Variants in TIAM2 observed in about 807,000 individuals in gnomAD.
TIAM2 encodes TIAM Rac1 associated GEF 2.
TIAM2 carries 80 observed loss-of-function variants against 152.9 expected under a neutral mutation model. The observed-to-expected ratio is 0.52, with a 90% CI of 0.44 to 0.63. The LOEUF is 0.63. Among genes scored for constraint, TIAM2 ranks in the 30% least tolerant of loss-of-function variants. TIAM2 has a pLI of 0.00. For synonymous variants in TIAM2, 804 were observed against 838.0 expected (o/e 0.96, Z 0.70); for missense variants, 1,965 against 2,120.1 (o/e 0.93, Z 1.44).
intron 1 of TIAM2, among the ~76,000 whole-genome samples, chr6:155,035,468 G>A (rs538050129): frequency 7.2e-4 from 109 of 152,134 alleles, no homozygotes; most frequent in African/African-American, 2.2e-3. Context: ...CGATCCACCC[G>A]TTTTAGCCTC....
chr6:155,179,634 CAGAT>C (rs1349954837), intron 12 of TIAM2, among the ~76,000 whole-genome samples, 178 bp downstream of exon 12: 1 of 152,098 alleles, frequency 6.6e-6, no homozygotes, highest in African/African-American at 2.4e-5. Context: ...GCAGGTGACA[CAGAT>C]AGGTATTAGT....
rs536562598 is a variant in TIAM2, at chr6:155,209,484, G to A, written c.3065-1720G>A. ...GGTTGAGGGTCTCATCTTACTTCCC[G>A]TGCAGTTAGCTTGTTGGTGAGGGGA... On this transcript the variant is annotated intron_variant, in intron 14 of 26. Coordinates refer to ENST00000682666, the MANE Select transcript of TIAM2 (RefSeq NM_012454.4). Among the ~76,000 whole-genome samples the A allele has an allele frequency of 1.1e-3, 173 of 152,206 alleles. 1 individual carries two copies. The highest frequency in any genetic ancestry group is 2.3e-3 in the South Asian group (11 of 4,820).
At chr6:155,087,608 G>T (rs1327351378) in intron 1 of TIAM2, among the ~76,000 whole-genome samples, 1 of 152,020 alleles carries the variant, frequency 6.6e-6, no homozygotes, top group African/African-American at 2.4e-5. Flanking sequence ...AATTAGCCAG[G>T]CGTGGTGGTG....
At position 155,214,524 on chromosome 6, in the gene TIAM2, C is replaced by T. The variant is rs1302042443; in HGVS notation, c.3168+3217C>T. Reference sequence around the variant, plus strand: ...GCTCTCTTCTCCCGTTTTCCATGCACCTTCTTCCAAATTTCTCCTCCCTCT... The same window carrying T: ...GCTCTCTTCTCCCGTTTTCCATGCATCTTCTTCCAAATTTCTCCTCCCTCT... On this transcript the variant is annotated intron_variant, in intron 15 of 26. Coordinates refer to ENST00000682666, the MANE Select transcript of TIAM2 (RefSeq NM_012454.4). This position sits in a 1 kb window ranked among gnomAD's most constrained non-coding sequence, Gnocchi z 5.4. Among the ~76,000 whole-genome samples, 1 of 152,190 alleles carries T rather than the reference C, an allele frequency of 6.6e-6. No homozygotes were observed. The highest frequency in any genetic ancestry group is 1.9e-4 in the East Asian group (1 of 5,198).
intron 2 of TIAM2, among the ~76,000 whole-genome samples, chr6:155,096,132 C>T (rs1375656332): frequency 6.6e-6 from 1 of 152,134 alleles, no homozygotes; most frequent in African/African-American, 2.4e-5. Flanking sequence ...CATTATCATT[C>T]ATTGCTGTTT....
intron 1 of TIAM2, among the ~76,000 whole-genome samples, chr6:155,049,302 G>A (rs1777271216): frequency 6.6e-6 from 1 of 152,130 alleles, no homozygotes. Flanking sequence ...GAGAGGGTTC[G>A]ACGGTTAATG....
intron 22 of TIAM2, among the ~76,000 whole-genome samples, chr6:155,251,246 C>A (rs772126938): frequency 6.6e-6 from 1 of 152,224 alleles, no homozygotes; most frequent in Non-Finnish European, 1.5e-5. Flanking sequence ...CCAAGTGTTA[C>A]AGGAACAGAT....
At chr6:155,184,554 G>A (rs1187233299) in intron 14 of TIAM2, among the ~76,000 whole-genome samples, 1 of 152,176 alleles carries the variant, frequency 6.6e-6, no homozygotes, top group Non-Finnish European at 1.5e-5. Context: ...GAGACCAAGT[G>A]TGGGGTCTTT....
At chr6:155,062,414 A>T (rs971821143) in intron 1 of TIAM2, among the ~76,000 whole-genome samples, 1 of 152,160 alleles carries the variant, frequency 6.6e-6, no homozygotes, top group Non-Finnish European at 1.5e-5. Context: ...AGACACTGCT[A>T]AACTGTTTTC....
At chr6:155,042,185 G>A (rs1181055950) in intron 1 of TIAM2, among the ~76,000 whole-genome samples, 3 of 151,772 alleles carry the variant, frequency 2.0e-5, no homozygotes, top group African/African-American at 4.8e-5. Context: ...TCCTCATTCC[G>A]CTACACCACC....
chr6:155,126,832 CA>C (rs1057201279), intron 2 of TIAM2, among the ~76,000 whole-genome samples: 2 of 142,454 alleles, frequency 1.4e-5, no homozygotes, highest in Admixed American at 1.4e-4. Flanking sequence ...TTTAAAGGAA[CA>C]AAAAGTCACT....
At position 155,244,836 on chromosome 6, in the gene TIAM2, TTTCTCTCATGAGAA is replaced by T. The variant is rs556487202; in HGVS notation, c.3543+68_3543+81del. ...TAAAAATACGTGGCTATGGTACGTA[TTTCTCTCATGAGAA>T]TTCTCTCATGAGAAAGAATTTCTTG... On this transcript the variant is annotated intron_variant, in intron 18 of 26. Coordinates refer to ENST00000682666, the MANE Select transcript of TIAM2 (RefSeq NM_012454.4). The T allele has an allele frequency of 1.7e-4, 255 of 1,542,476 alleles. 1 individual carries two copies. The East Asian group carries it at 1.9e-3, about 12-fold the overall frequency.
At chr6:155,222,859 A>G (rs960621808) in intron 15 of TIAM2, among the ~76,000 whole-genome samples, 1 of 152,164 alleles carries the variant, frequency 6.6e-6, no homozygotes, top group African/African-American at 2.4e-5. Context: ...GCTGCTTAGA[A>G]GAAGAATCTT....
At chr6:155,251,578 T>G (rs1984028) in intron 22 of TIAM2, among the ~76,000 whole-genome samples, 19,021 of 152,264 alleles carry the variant, frequency 0.12, 1,522 homozygotes, top group Non-Finnish European at 0.19. Flanking sequence ...TTAGCCACCG[T>G]GCCTGGCCAG....
At chr6:155,007,924 G>C (rs1562288173) in intron 1 of TIAM2, among the ~76,000 whole-genome samples, 1 of 152,178 alleles carries the variant, frequency 6.6e-6, no homozygotes, top group Non-Finnish European at 1.5e-5. Context: ...GTCTGTCACT[G>C]AAGCTAAATT....
In TIAM2 at chr6:155,023,240, AAGTTGC is replaced by A. The variant is rs1173125890; in HGVS notation, c.-209+27751_-209+27756del. ...AGCCAGGTGGGAATCTCTGCTCTAG[AAGTTGC>A]AGGTACCTGGCACCTGGCTCCCTTT... On this transcript the variant is annotated intron_variant, in intron 1 of 26. Transcript: ENST00000682666. Among the ~76,000 whole-genome samples the A allele has an allele frequency of 8.5e-5, 13 of 152,258 alleles. No homozygotes were observed. In the East Asian group the frequency reaches 2.5e-3, roughly 29 times the overall value.
intron 25 of TIAM2, 126 bp from the exon 26 acceptor site, chr6:155,254,293 G>A: frequency 7.7e-7 from 1 of 1,291,230 alleles, no homozygotes; most frequent in Non-Finnish European, 1.1e-6. Context: ...ACATGGCACT[G>A]CTGCTGGGTG....
At chr6:155,198,010 A>G (rs954622772) in intron 14 of TIAM2, among the ~76,000 whole-genome samples, 28 of 152,188 alleles carry the variant, frequency 1.8e-4, no homozygotes, top group African/African-American at 6.3e-4. Flanking sequence ...AAGTTTTATC[A>G]TTTTTTGGGA....
chr6:155,006,781 C>T lies in TIAM2; in HGVS notation c.-209+11289C>T, dbSNP rs182748773. ...TCGGCTCACCACAACCTCCACCTCC[C>T]GGGTTCAAGCGATTCTCCTGCCTCA... On this transcript the variant is annotated intron_variant, in intron 1 of 26. Transcript: ENST00000682666. 3.5e-3 allele frequency among the ~76,000 whole-genome samples: 526 copies of T among 151,982 alleles called. 2 individuals carry two copies. The highest frequency in any genetic ancestry group is 0.012 in the African/African-American group (482 of 41,494).
Sources: gnomAD v4.1 joint callset for allele counts (sites outside exome capture counted in the v4.1 genomes callset) on GRCh38, gnomAD v4.1.1 for gene constraint, Gnocchi (gnomAD v3.1) non-coding constraint, MANE v1.5 for transcripts, NCBI Gene and HGNC (gene_info 2026-07-23, HGNC 2026-07-21) for gene names.